The following DNAH17 variants were observed in gnomAD, a reference collection of about 807,000 sequenced individuals.
DNAH17 encodes the protein axonemal beta dynein heavy chain 17.
DNAH17 carries 376 observed loss-of-function variants against 485.6 expected under a neutral mutation model. The observed-to-expected ratio is 0.77, with a 90% CI of 0.71 to 0.84. The LOEUF (loss-of-function observed/expected upper bound fraction) is 0.84. Among genes scored for constraint, DNAH17 ranks in the 40% least tolerant of loss-of-function variants. The pLI, the probability that DNAH17 is intolerant of heterozygous loss-of-function variation, is 0.00. For missense variants in DNAH17, 6,370 were observed against 5,839.3 expected, an observed-to-expected ratio of 1.09 and a Z score of -2.96; for synonymous variants, 3,031 against 2,405.9, an observed-to-expected ratio of 1.26 and a Z score of -7.60.
At chr17:78,551,153 G>T (rs547237585) in intron 16 of DNAH17, among the ~76,000 whole-genome samples, 2 of 152,334 alleles carry the variant, frequency 1.3e-5, no homozygotes, top group African/African-American at 4.8e-5. Context: ...CACCTAGAAG[G>T]CTAATGAAGG....
At chr17:78,501,477 G>A (rs1363824084) in intron 34 of DNAH17, 133 bp from the exon 35 acceptor site, 6 of 1,175,978 alleles carry the variant, frequency 5.1e-6, no homozygotes, top group Non-Finnish European at 5.8e-6. Flanking sequence ...TCCCCCTCCA[G>A]CACCCACATC....
intron 54 of DNAH17, chr17:78,472,628 G>A (rs1013098783): frequency 4.0e-5 from 17 of 426,740 alleles, no homozygotes; most frequent in Admixed American, 1.3e-4. Context: ...CGGGGGCTGT[G>A]TGTGGGGTGT....
intron 51 of DNAH17, among the ~76,000 whole-genome samples, chr17:78,477,186 G>A (rs371374592): frequency 6.6e-6 from 1 of 152,178 alleles, no homozygotes; most frequent in African/African-American, 2.4e-5. Context: ...CAGGCACAGC[G>A]ATGATGCAAC....
intron 6 of DNAH17, 77 bp from the exon 7 acceptor site, chr17:78,570,449 C>T: frequency 2.0e-6 from 3 of 1,515,616 alleles, no homozygotes; most frequent in Non-Finnish European, 1.8e-6. Flanking sequence ...CCCTTCCCTT[C>T]CCATGGCTCT....
intron 14 of DNAH17, among the ~76,000 whole-genome samples, chr17:78,553,918 A>T (rs1049823582): frequency 2.7e-5 from 4 of 150,936 alleles, no homozygotes; most frequent in Admixed American, 1.3e-4. Flanking sequence ...ATCACTGAGC[A>T]TTTCTTGGCT....
chr17:78,561,299 T>G (rs1035897905), intron 12 of DNAH17, among the ~76,000 whole-genome samples: 4 of 141,058 alleles, frequency 2.8e-5, no homozygotes, highest in Non-Finnish European at 6.2e-5. Flanking sequence ...AAGGCCCCCC[T>G]CCTAGTCAGC....
chr17:78,485,427 A>G (rs2146645291), intron 47 of DNAH17, 123 bp downstream of exon 47: 1 of 927,404 alleles, frequency 1.1e-6, no homozygotes. Context: ...CGGGTGGGGC[A>G]TGGGAAGTGA....
chr17:78,505,521 G>T, intron 30 of DNAH17, 76 bp from the exon 31 acceptor site: 1 of 1,589,606 alleles, frequency 6.3e-7, no homozygotes. Context: ...CTTTCCGTGG[G>T]TGGTTTTAGG....
At chr17:78,506,158 T>TTTTTTTTG (rs2090479460) in intron 30 of DNAH17, among the ~76,000 whole-genome samples, 1 of 141,784 alleles carries the variant, frequency 7.1e-6, no homozygotes, top group African/African-American at 2.6e-5. Flanking sequence ...TTTTTTTTTT[T>TTTTTTTTG]GAGACAGAGT....
intron 72 of DNAH17, among the ~76,000 whole-genome samples, chr17:78,439,491 A>T (rs534003793): frequency 6.6e-6 from 1 of 152,012 alleles, no homozygotes; most frequent in African/African-American, 2.4e-5. Context: ...AGTCGCTCCC[A>T]ATCTCCTCCA....
At chr17:78,440,553 C>T (rs896154790) in intron 72 of DNAH17, among the ~76,000 whole-genome samples, 3 of 152,168 alleles carry the variant, frequency 2.0e-5, no homozygotes, top group Non-Finnish European at 4.4e-5. Flanking sequence ...GCTACCGCCC[C>T]CGGCCTGCTT....
intron 47 of DNAH17, 57 bp from the exon 48 acceptor site, chr17:78,485,090 G>A (rs1302988420): frequency 4.6e-6 from 7 of 1,522,580 alleles, no homozygotes; most frequent in Non-Finnish European, 6.1e-6. Flanking sequence ...GAGCCTGTTA[G>A]GTAGGGAGGG....
intron 14 of DNAH17, among the ~76,000 whole-genome samples, chr17:78,555,363 C>T (rs933890275): frequency 6.6e-6 from 1 of 151,924 alleles, no homozygotes; most frequent in Non-Finnish European, 1.5e-5. Context: ...GTGACTAAAT[C>T]ATGGTGCTCC....
At chr17:78,540,466 GGTAT>G (rs1483142839) in intron 17 of DNAH17, among the ~76,000 whole-genome samples, 9 of 24,948 alleles carry the variant, frequency 3.6e-4, no homozygotes, top group Admixed American at 1.3e-3. Flanking sequence ...TGGGTGGGTG[GGTAT>G]GTGGATGTGT....
chr17:78,561,991 A>T lies in DNAH17; in HGVS notation c.1570-11T>A, dbSNP rs752835856. On this transcript the variant is annotated splice_polypyrimidine_tract_variant and intron_variant, in intron 11 of 80. Coordinates refer to ENST00000389840, the MANE Select transcript of DNAH17 (RefSeq NM_173628.4). Reference sequence around the variant, plus strand: ...ACACATGTACAGGAGCTGAGGACAAAGGAGAAGGGGGCCTCTTCACCACAG... The same window carrying T: ...ACACATGTACAGGAGCTGAGGACAATGGAGAAGGGGGCCTCTTCACCACAG... 3 of 1,566,536 alleles carry T rather than the reference A, an allele frequency of 1.9e-6. No homozygotes were observed. The highest frequency in any genetic ancestry group is 2.6e-6 in the Non-Finnish European group (3 of 1,156,592).
rs528461851 is a variant in DNAH17, at chr17:78,461,599, C to A, written c.9284G>T (p.Ser3095Ile). Residue 3095 changes from serine to isoleucine, a missense_variant, in exon 58 of 81, where the codon AGC (serine) becomes ATC (isoleucine). Transcript: ENST00000389840. ...CTGGTCAGCAATGGCCTTCTCTTTG[C>A]TGACCTTCTCGGCCTCGATGCCGAC... is the stretch of plus-strand genomic sequence containing the variant. ...QVVGIEAEKV[S>I]KEKAIADQEE... 2.5e-5 allele frequency: 40 copies of A among 1,607,140 alleles called. No homozygotes were observed. In the East Asian group the frequency reaches 8.1e-4, roughly 32 times the overall value.
Position 78,451,657 on chromosome 17 carries a change from C to T in DNAH17, c.10546G>A (p.Asp3516Asn), listed in dbSNP as rs761103837. 1.3e-6 allele frequency: 2 copies of T among 1,576,594 alleles called. No individual in the cohort carries two copies. The highest frequency in any genetic ancestry group is 1.7e-6 in the Non-Finnish European group (2 of 1,161,300). The stretch of plus-strand genomic sequence containing the variant: ...TTGGGGTGGTACTCCACCTCCTTGT[C>T]ACCGATCTTAATGTACCTGGCGGTT... The part of the protein sequence containing the change: ...IKKGKYIKIG[D>N]KEVEYHPKFR... The change falls in exon 66 of 81, where the codon GAC becomes AAC. Residue 3516 changes from aspartate to asparagine, a missense_variant. Transcript: ENST00000389840.
At chr17:78,551,986 G>A (rs1265283324) in intron 15 of DNAH17, among the ~76,000 whole-genome samples, 1 of 150,772 alleles carries the variant, frequency 6.6e-6, no homozygotes, top group Non-Finnish European at 1.5e-5. Context: ...AAAAAATTCA[G>A]CAGGATGAAA....
At chr17:78,470,559 C>T (rs1419364415) in intron 54 of DNAH17, among the ~76,000 whole-genome samples, 3 of 152,068 alleles carry the variant, frequency 2.0e-5, no homozygotes, top group African/African-American at 4.8e-5. Flanking sequence ...CGTGGTGGCA[C>T]GCACCTGTAA....
Sources: gnomAD v4.1 joint callset for allele counts (sites outside exome capture counted in the v4.1 genomes callset) on GRCh38, gnomAD v4.1.1 for gene constraint, MANE v1.5 for transcripts, NCBI Gene and HGNC (gene_info 2026-07-23, HGNC 2026-07-21) for gene names.